ANKFN1: variants seen among roughly 807,000 people sequenced by gnomAD.
The protein encoded by ANKFN1 is ankyrin repeat and fibronectin type III domain containing 1.
ANKFN1 carries 74 observed loss-of-function variants against 108.7 expected under a neutral mutation model. That is an observed-to-expected ratio of 0.68 (90% CI 0.56 to 0.83). The LOEUF is 0.83. ANKFN1 is among the 40% of genes least tolerant of loss of function. The pLI, the probability that ANKFN1 is intolerant of heterozygous loss-of-function variation, is 0.00. For missense variants in ANKFN1, 1,505 were observed against 1,382.3 expected (o/e 1.09, Z -1.41); for synonymous variants, 547 against 516.2 (o/e 1.06, Z -0.81).
intron 4 of ANKFN1, among the ~76,000 whole-genome samples, chr17:56,327,444 A>G (rs2045550969): frequency 6.6e-6 from 1 of 152,164 alleles, no homozygotes; most frequent in African/African-American, 2.4e-5. Context: ...GGGTGTGACA[A>G]AGATGAATGA....
At chr17:56,305,979 G>T (rs532701282) in intron 3 of ANKFN1, among the ~76,000 whole-genome samples, 1 of 152,186 alleles carries the variant, frequency 6.6e-6, no homozygotes, top group Non-Finnish European at 1.5e-5. Flanking sequence ...GTATGGGTTA[G>T]TTTCTGGATT....
At chr17:56,154,132 C>T (rs1291275165) in intron 1 of ANKFN1, among the ~76,000 whole-genome samples, 1 of 151,862 alleles carries the variant, frequency 6.6e-6, no homozygotes, top group Non-Finnish European at 1.5e-5. Context: ...TCGGTGGTAT[C>T]GGAATCCCTG....
chr17:56,288,301 T>C (rs747304092), intron 3 of ANKFN1, among the ~76,000 whole-genome samples: 6 of 152,192 alleles, frequency 3.9e-5, no homozygotes, highest in Non-Finnish European at 7.3e-5. Context: ...AAATATACAT[T>C]ATCTATTCCT....
chr17:56,289,004 C>A (rs1224353375), intron 3 of ANKFN1, among the ~76,000 whole-genome samples: 2 of 152,226 alleles, frequency 1.3e-5, no homozygotes, highest in Non-Finnish European at 2.9e-5. Context: ...GCACCGACAA[C>A]CACACAGGTA....
At chr17:56,437,667 T>C (rs1320064954) in intron 8 of ANKFN1, among the ~76,000 whole-genome samples, 1 of 152,208 alleles carries the variant, frequency 6.6e-6, no homozygotes, top group Non-Finnish European at 1.5e-5. Flanking sequence ...ATTACAAACC[T>C]TCCCCAATTT....
At chr17:56,258,984 T>A (rs1051957737) in intron 3 of ANKFN1, among the ~76,000 whole-genome samples, 1 of 152,152 alleles carries the variant, frequency 6.6e-6, no homozygotes, top group Non-Finnish European at 1.5e-5. Context: ...TTTGCGCTCA[T>A]GAAATTTCCA....
At position 56,516,284 on chromosome 17, in the gene ANKFN1, G is replaced by T. The variant is rs951140765; in HGVS notation, c.*5015G>T. On this transcript the variant is annotated 3_prime_UTR_variant, in exon 21 of 21. Coordinates refer to ENST00000682825, the MANE Select transcript of ANKFN1 (RefSeq NM_001370326.1). ...TGTGTGTGTGTGTGTGTGTGTGTGC[G>T]TGTGTGGTGGTGTCAGAGAGATGTT... 1.3e-5 allele frequency among the ~76,000 whole-genome samples: 2 copies of T among 151,940 alleles called. No individual in the cohort carries two copies. Among genetic ancestry groups the T allele is most frequent in the African/African-American group, 2.4e-5 (1 of 41,328 alleles).
chr17:56,482,920 C>T (rs900067317), intron 18 of ANKFN1, among the ~76,000 whole-genome samples: 12 of 152,094 alleles, frequency 7.9e-5, no homozygotes, highest in Non-Finnish European at 1.6e-4. Context: ...TTTCTCTCTC[C>T]TTTCCTCCCT....
At chr17:56,202,787 G>A (rs754338211) in intron 1 of ANKFN1, among the ~76,000 whole-genome samples, 2 of 151,976 alleles carry the variant, frequency 1.3e-5, no homozygotes, top group Admixed American at 1.3e-4. Context: ...GAATATTCTG[G>A]AACTGTTCAA....
chr17:56,438,452 T>C (rs1443809091), intron 8 of ANKFN1, among the ~76,000 whole-genome samples: 3 of 152,212 alleles, frequency 2.0e-5, no homozygotes, highest in Non-Finnish European at 2.9e-5. Context: ...CTTGAATGCC[T>C]TCCTAAGATT....
intron 2 of ANKFN1, among the ~76,000 whole-genome samples, chr17:56,213,580 G>A (rs1163223843): frequency 6.6e-6 from 1 of 152,160 alleles, no homozygotes; most frequent in African/African-American, 2.4e-5. Flanking sequence ...ATCTATTTAA[G>A]CTATCTACAC....
At chr17:56,306,711 G>T (rs2044837977) in intron 3 of ANKFN1, among the ~76,000 whole-genome samples, 1 of 152,112 alleles carries the variant, frequency 6.6e-6, no homozygotes, top group African/African-American at 2.4e-5. Flanking sequence ...TTTCTTCACA[G>T]AATTGGAAAA....
intron 14 of ANKFN1, among the ~76,000 whole-genome samples, chr17:56,459,969 T>C (rs1241025840): frequency 6.6e-6 from 1 of 152,116 alleles, no homozygotes; most frequent in Admixed American, 6.5e-5. Flanking sequence ...CTTGAAAATA[T>C]TCCATTTTCT....
At chr17:56,330,778 A>G (rs2045641396) in intron 4 of ANKFN1, among the ~76,000 whole-genome samples, 1 of 152,218 alleles carries the variant, frequency 6.6e-6, no homozygotes, top group South Asian at 2.1e-4. Context: ...GTTACAAAGT[A>G]GATCATCCAT....
chr17:56,283,751 G>A (rs1466732558), intron 3 of ANKFN1, among the ~76,000 whole-genome samples: 1 of 151,930 alleles, frequency 6.6e-6, no homozygotes, highest in Non-Finnish European at 1.5e-5. Flanking sequence ...AAGGGTGGGA[G>A]GGGGGTGAGG....
At chr17:56,449,217 A>G (rs1298108419) in intron 11 of ANKFN1, 31 bp downstream of exon 11, 8 of 1,579,108 alleles carry the variant, frequency 5.1e-6, no homozygotes, top group South Asian at 1.1e-5. Flanking sequence ...TGGGCCATCA[A>G]CTGAGGTCTC....
At chr17:56,405,232 G>A (rs548933040) in intron 8 of ANKFN1, among the ~76,000 whole-genome samples, 31 of 152,286 alleles carry the variant, frequency 2.0e-4, no homozygotes, top group Admixed American at 9.2e-4. Context: ...ATGAAAAAAT[G>A]AGGGAAAGAT....
At chr17:56,251,128 T>A (rs745814618) in intron 3 of ANKFN1, among the ~76,000 whole-genome samples, 11 of 152,208 alleles carry the variant, frequency 7.2e-5, no homozygotes, top group Non-Finnish European at 1.0e-4. Context: ...CAGTGGCTCA[T>A]GCCTATAAAC....
chr17:56,106,699 A>G (rs1905759172), intron 4 of ANKFN1, among the ~76,000 whole-genome samples: 1 of 151,898 alleles, frequency 6.6e-6, no homozygotes, highest in Non-Finnish European at 1.5e-5. Flanking sequence ...ACTTGGGAAT[A>G]ATAATATTTG....
Sources: allele counts gnomAD v4.1 joint callset (sites outside exome capture counted in the v4.1 genomes callset), GRCh38; gene constraint gnomAD v4.1.1; transcripts MANE v1.5; gene names NCBI Gene and HGNC (gene_info 2026-07-23, HGNC 2026-07-21).